The following TRAPPC9 variants were observed in gnomAD, a reference collection of about 807,000 sequenced individuals.
TRAPPC9 encodes the protein trafficking protein particle complex subunit 9, also known as IKK2 binding protein.
Under a neutral mutation model 124.0 loss-of-function variants are expected in TRAPPC9, and 83 were observed. That is an observed-to-expected ratio of 0.67 (90% CI 0.56 to 0.80). The LOEUF (loss-of-function observed/expected upper bound fraction) is 0.80. Ranked by LOEUF, TRAPPC9 falls within the 30% of genes least tolerant of loss-of-function variation. The pLI is 0.00. For synonymous variants in TRAPPC9, 638 were observed against 617.5 expected, an observed-to-expected ratio of 1.03 and a Z score of -0.49; for missense variants, 1,302 against 1,508.3, an observed-to-expected ratio of 0.86 and a Z score of 2.27.
chr8:140,399,596 C>G (rs576989359), intron 6 of TRAPPC9, among the ~76,000 whole-genome samples: 61 of 152,328 alleles, frequency 4.0e-4, no homozygotes, highest in Admixed American at 5.9e-4. Flanking sequence ...CCAATTTCTC[C>G]CATTTGGAAT....
At chr8:140,450,747 G>T in intron 2 of TRAPPC9, 43 bp downstream of exon 2, 1 of 1,470,694 alleles carries the variant, frequency 6.8e-7, no homozygotes, top group Non-Finnish European at 9.4e-7. Context: ...TTCCCTTTCT[G>T]ATGCAGGGAA....
chr8:139,973,250 C>T (rs1183157674), intron 19 of TRAPPC9, among the ~76,000 whole-genome samples: 4 of 152,200 alleles, frequency 2.6e-5, no homozygotes, highest in African/African-American at 9.7e-5. Context: ...ATAGGGGAGG[C>T]CTTGGAGGGG....
chr8:140,162,384 G>A (rs141345398), intron 17 of TRAPPC9, among the ~76,000 whole-genome samples: 144 of 152,210 alleles, frequency 9.5e-4, no homozygotes, highest in African/African-American at 3.1e-3. Flanking sequence ...GCTTTTCTAC[G>A]TACTCTAACC....
chr8:140,294,766 C>T (rs1390653620), intron 11 of TRAPPC9, among the ~76,000 whole-genome samples: 1 of 59,968 alleles, frequency 1.7e-5, no homozygotes, highest in Non-Finnish European at 4.3e-5. Context: ...CGCCACCATG[C>T]CCGGCTAAAT....
chr8:140,297,365 C>T (rs1588114629), intron 11 of TRAPPC9, among the ~76,000 whole-genome samples: 1 of 151,654 alleles, frequency 6.6e-6, no homozygotes. Context: ...CACACATACA[C>T]GCATACACAC....
At chr8:140,360,832 C>G (rs749068594) in intron 8 of TRAPPC9, among the ~76,000 whole-genome samples, 46 of 152,136 alleles carry the variant, frequency 3.0e-4, no homozygotes, top group Non-Finnish European at 4.0e-4. Context: ...CTCCAGGGCT[C>G]AAGCAATCAA....
intron 21 of TRAPPC9, among the ~76,000 whole-genome samples, chr8:139,795,295 G>T (rs948882894): frequency 6.6e-6 from 1 of 151,988 alleles, no homozygotes; most frequent in Non-Finnish European, 1.5e-5. Context: ...GCGCACTGCC[G>T]AGAAGTCAGG....
intron 21 of TRAPPC9, among the ~76,000 whole-genome samples, chr8:139,856,554 T>C (rs1827809784): frequency 6.6e-6 from 1 of 152,036 alleles, no homozygotes; most frequent in South Asian, 2.1e-4. Context: ...CCTGAGCTCA[T>C]GGGTAACACA....
intron 15 of TRAPPC9, among the ~76,000 whole-genome samples, chr8:140,272,845 A>C (rs2064999655): frequency 6.6e-6 from 1 of 151,102 alleles, no homozygotes; most frequent in Non-Finnish European, 1.5e-5. Flanking sequence ...TCAGGGATCC[A>C]CCCCCATGAC....
At position 140,451,237 on chromosome 8, in the gene TRAPPC9, A is replaced by G. The variant is rs750383962; in HGVS notation, c.137T>C (p.Val46Ala). ...KRICSVSQIS[V>A]RDSQRVLYIR... is the part of the protein sequence containing the mutation. The stretch of plus-strand genomic sequence containing the variant: ...GTAGAGGACTCGCTGGGAGTCCCGC[A>G]CGCTGATCTGACTCACAGAGCAAAT... The change falls in exon 2 of 23, where the codon GTG becomes GCG. Residue 46 changes from valine (V) to alanine (A), a missense_variant. By Grantham distance (64) the Val-to-Ala change is moderately conservative. This residue lies in a region of TRAPPC9 where 657 missense variants were observed against 811.2 expected (regional missense o/e 0.81). Transcript: ENST00000438773. The G allele has an allele frequency of 1.9e-6, 3 of 1,613,890 alleles. No homozygotes were observed. The highest frequency in any genetic ancestry group is 1.7e-5 in the Admixed American group (1 of 60,010).
intron 21 of TRAPPC9, among the ~76,000 whole-genome samples, chr8:139,799,551 T>C (rs1316299884): frequency 6.6e-6 from 1 of 152,208 alleles, no homozygotes; most frequent in Non-Finnish European, 1.5e-5. Flanking sequence ...CACGAGGGTC[T>C]GGCTTCCTCA....
At chr8:140,415,930 T>G (rs750267289) in intron 5 of TRAPPC9, among the ~76,000 whole-genome samples, 2 of 152,056 alleles carry the variant, frequency 1.3e-5, no homozygotes, top group Non-Finnish European at 2.9e-5. Flanking sequence ...CATTGCACTC[T>G]ACCCTGGGCG....
chr8:140,114,718 A>C (rs2060846370), intron 17 of TRAPPC9, among the ~76,000 whole-genome samples: 1 of 152,188 alleles, frequency 6.6e-6, no homozygotes, highest in South Asian at 2.1e-4. Flanking sequence ...GCACGTGAGG[A>C]GGAAGCATAT....
chr8:139,784,896 G>A (rs117398731), intron 21 of TRAPPC9, among the ~76,000 whole-genome samples: 1,724 of 151,878 alleles, frequency 0.011, 11 homozygotes, highest in Non-Finnish European at 0.018. Context: ...ATTGATCTAC[G>A]TATTCAACAT....
intron 21 of TRAPPC9, among the ~76,000 whole-genome samples, chr8:139,822,633 G>A (rs533736904): frequency 1.3e-4 from 20 of 152,230 alleles, no homozygotes; most frequent in Admixed American, 5.9e-4. Context: ...GCGGGGGGGG[G>A]CTGCCTTGCC....
intron 11 of TRAPPC9, among the ~76,000 whole-genome samples, chr8:140,296,707 A>G (rs28692647): frequency 0.38 from 57,279 of 152,142 alleles, 11,274 homozygotes; most frequent in Middle Eastern, 0.49. Context: ...TGTTTGAACA[A>G]AGGCCCTATG....
chr8:140,164,858 A>G (rs1371321558), intron 17 of TRAPPC9, among the ~76,000 whole-genome samples: 1 of 152,094 alleles, frequency 6.6e-6, no homozygotes, highest in Non-Finnish European at 1.5e-5. Flanking sequence ...TCTCCTGCCC[A>G]TACCTAACTC....
At chr8:140,269,410 AG>A (rs1200546312) in intron 15 of TRAPPC9, among the ~76,000 whole-genome samples, 7 of 151,928 alleles carry the variant, frequency 4.6e-5, no homozygotes, top group Admixed American at 2.6e-4. Context: ...GCGTGGTGGC[AG>A]GTGCCTGGAG....
At chr8:139,833,095 T>C (rs1416164648) in intron 21 of TRAPPC9, among the ~76,000 whole-genome samples, 4 of 152,112 alleles carry the variant, frequency 2.6e-5, no homozygotes, top group Admixed American at 2.6e-4. Context: ...CCAGCGGACA[T>C]CAGCAGGAAG....
Sources: allele counts gnomAD v4.1 joint callset (sites outside exome capture counted in the v4.1 genomes callset), GRCh38; gene constraint gnomAD v4.1.1; regional missense constraint gnomAD v4.1.1; transcripts MANE v1.5; gene names NCBI Gene and HGNC (gene_info 2026-07-23, HGNC 2026-07-21).